The following DPY19L1 variants were observed in gnomAD, a reference collection of about 807,000 sequenced individuals.
DPY19L1 encodes protein C-mannosyl-transferase DPY19L1.
A neutral mutation model predicts 96.9 loss-of-function variants in DPY19L1; 35 were observed. The ratio of observed to expected loss-of-function variants is 0.36; its 90% CI spans 0.28 to 0.48. The LOEUF is 0.48. Ranked by LOEUF, DPY19L1 falls within the 20% of genes least tolerant of loss-of-function variation. The pLI is 0.99. For synonymous variants in DPY19L1, 205 were observed against 252.6 expected, an observed-to-expected ratio of 0.81 and a Z score of 1.79; for missense variants, 521 against 777.9, an observed-to-expected ratio of 0.67 and a Z score of 3.93.
At chr7:34,982,340 G>C (rs1784956709) in intron 7 of DPY19L1, among the ~76,000 whole-genome samples, 1 of 152,174 alleles carries the variant, frequency 6.6e-6, no homozygotes. Context: ...TTAGGGGTGA[G>C]ACAGCATCAT....
Position 35,004,291 on chromosome 7 carries a change from C to A in DPY19L1, c.764+6177G>T, listed in dbSNP as rs371699269. ...AAGACCATGACTCAGAAATTCTCTT[C>A]TTCTGGGAACTTTCATCTAACAAGG... On this transcript the variant is annotated intron_variant, in intron 6 of 21. Transcript: ENST00000638088. Among the ~76,000 whole-genome samples, 8 of 152,188 alleles carry A rather than the reference C, an allele frequency of 5.3e-5. No individual in the cohort carries two copies. In the South Asian group the frequency reaches 1.7e-3, roughly 31 times the overall value.
At chr7:34,952,872 A>G (rs564424250) in intron 13 of DPY19L1, among the ~76,000 whole-genome samples, 8 of 152,196 alleles carry the variant, frequency 5.3e-5, no homozygotes, top group Non-Finnish European at 7.3e-5. Context: ...AGGAAGCAAC[A>G]ATGTGGGAAG....
chr7:35,027,639 C>T (rs1453925992), intron 1 of DPY19L1, among the ~76,000 whole-genome samples: 2 of 143,300 alleles, frequency 1.4e-5, no homozygotes, highest in African/African-American at 2.6e-5. Context: ...AAACCATCCC[C>T]GGCCAACATG....
chr7:34,992,097 T>G (rs1448684368), intron 6 of DPY19L1, among the ~76,000 whole-genome samples: 1 of 152,160 alleles, frequency 6.6e-6, no homozygotes, highest in Non-Finnish European at 1.5e-5. Context: ...ACTGCAGCAG[T>G]CCACACTCTT....
At chr7:34,992,525 G>C (rs1322695149) in intron 6 of DPY19L1, among the ~76,000 whole-genome samples, 1 of 147,334 alleles carries the variant, frequency 6.8e-6, no homozygotes, top group Non-Finnish European at 1.5e-5. Context: ...AACAATGTCA[G>C]GCACAAAACC....
intron 9 of DPY19L1, 147 bp from the exon 10 acceptor site, chr7:34,967,118 AAT>A (rs1366550103): frequency 2.0e-6 from 1 of 502,738 alleles, no homozygotes; most frequent in African/African-American, 2.0e-5. Context: ...TTTATTATTA[AAT>A]ATAGTCAATA....
rs7804939 is a variant in DPY19L1, at chr7:35,032,463, G to A, written c.298+4634C>T. On this transcript the variant is annotated intron_variant, in intron 1 of 21. Transcript: ENST00000638088. The stretch of plus-strand genomic sequence containing the variant: ...AGCACTTCCAACAAAGCCTGGCAAA[G>A]AGTAAGCCCCCTATCAGTATAAGAT... Among the ~76,000 whole-genome samples, 1,024 of 152,276 alleles carry A rather than the reference G, an allele frequency of 6.7e-3. 12 individuals carry two copies. The highest frequency in any genetic ancestry group is 0.023 in the African/African-American group (973 of 41,546).
chr7:35,037,849 G>T (rs1786485904), upstream of DPY19L1: 1 of 1,234,152 alleles, frequency 8.1e-7, no homozygotes, highest in East Asian at 3.2e-5. Context: ...CTCGGCCGGT[G>T]CGAGGACGCG....
intron 7 of DPY19L1, among the ~76,000 whole-genome samples, chr7:34,983,675 G>C (rs1308702020): frequency 6.8e-6 from 1 of 146,496 alleles, no homozygotes; most frequent in East Asian, 2.0e-4. Flanking sequence ...GGAATAGAGA[G>C]AAAAAAAAAA....
intron 3 of DPY19L1, among the ~76,000 whole-genome samples, chr7:35,015,257 G>A (rs1217041775): frequency 6.6e-6 from 1 of 152,052 alleles, no homozygotes; most frequent in Non-Finnish European, 1.5e-5. Flanking sequence ...TATCAACTTG[G>A]AAGAAGATTT....
At chr7:35,012,230 T>C (rs2128678341) in intron 4 of DPY19L1, among the ~76,000 whole-genome samples, 1 of 152,342 alleles carries the variant, frequency 6.6e-6, no homozygotes, top group Middle Eastern at 3.4e-3. Context: ...AGGACAACTC[T>C]GCAAAGCCAT....
intron 13 of DPY19L1, among the ~76,000 whole-genome samples, chr7:34,952,126 C>CCA (rs202027448): frequency 7.3e-5 from 5 of 68,042 alleles, no homozygotes; most frequent in East Asian, 3.1e-4. Flanking sequence ...AAAAAAAAGA[C>CCA]CACAAAAAAA....
At chr7:35,002,125 C>CAAAAAAAAAAAA (rs548044939) in intron 6 of DPY19L1, among the ~76,000 whole-genome samples, 4 of 47,060 alleles carry the variant, frequency 8.5e-5, no homozygotes, top group Non-Finnish European at 1.3e-4. Context: ...GACTCCAGCT[C>CAAAAAAAAAAAA]AAAAAAAAAA....
At chr7:34,943,393 A>G (rs929012342) in intron 16 of DPY19L1, among the ~76,000 whole-genome samples, 8 of 152,148 alleles carry the variant, frequency 5.3e-5, no homozygotes, top group Admixed American at 6.5e-5. Context: ...ACCATTTATT[A>G]CCCCAATTTA....
chr7:34,994,817 A>G (rs1785248455), intron 6 of DPY19L1, among the ~76,000 whole-genome samples: 1 of 151,860 alleles, frequency 6.6e-6, no homozygotes, highest in Non-Finnish European at 1.5e-5. Context: ...AAAAAAAAAA[A>G]ATCCAATTCC....
chr7:35,030,213 T>C (rs1786227438), intron 1 of DPY19L1, among the ~76,000 whole-genome samples: 1 of 152,238 alleles, frequency 6.6e-6, no homozygotes, highest in Admixed American at 6.5e-5. Flanking sequence ...TTATAAAAAG[T>C]AGTAATTACT....
rs752648177 is a variant in DPY19L1, at chr7:34,940,203, T to A, written c.1814A>T (p.Asn605Ile). The change falls in exon 19 of 22, where the codon AAT becomes ATT. Residue 605 changes from asparagine to isoleucine, a missense_variant. By Grantham distance (149) the Asn-to-Ile change is moderately radical. Transcript: ENST00000638088. ...TTCTATAAGTTCTTCTTGGGGCAAA[T>A]TGCTGAACTCCCCTACAATATTCCA... ...TQWNIVGEFS[N>I]LPQEELIEWI... 6.2e-7 allele frequency: 1 copy of A among 1,607,512 alleles called. No homozygotes were observed. Among genetic ancestry groups the A allele is most frequent in the Non-Finnish European group, 8.5e-7 (1 of 1,177,486 alleles).
rs6980453 is a variant in DPY19L1, at chr7:35,016,007, A to C, written c.411+1875T>G. ...AAAGATTAATATCAAATAAGTAAAA[A>C]AAAATCTAATCTTGTTTCCATTTAA... On this transcript the variant is annotated intron_variant, in intron 3 of 21. Transcript: ENST00000638088. Among the ~76,000 whole-genome samples the C allele has an allele frequency of 5.8e-3, 886 of 152,370 alleles. 10 individuals carry two copies. The highest frequency in any genetic ancestry group is 0.02 in the African/African-American group (826 of 41,590).
chr7:34,995,623 T>C (rs1274960522), intron 6 of DPY19L1, among the ~76,000 whole-genome samples: 2 of 152,182 alleles, frequency 1.3e-5, no homozygotes, highest in African/African-American at 4.8e-5. Context: ...TCATTAATCA[T>C]TGAGATTTTT....
Sources: gnomAD v4.1 joint callset for allele counts (sites outside exome capture counted in the v4.1 genomes callset) on GRCh38, gnomAD v4.1.1 for gene constraint, MANE v1.5 for transcripts, NCBI Gene and HGNC (gene_info 2026-07-23, HGNC 2026-07-21) for gene names.